NBPF11: variants seen among roughly 807,000 people sequenced by gnomAD.
NBPF11 encodes the protein NBPF family member NBPF11.
In NBPF11, 72 loss-of-function variants were observed where a neutral mutation model predicts 93.9. That is an observed-to-expected ratio of 0.77 (90% CI 0.63 to 0.93). The LOEUF is 0.93. NBPF11 is among the 40% of genes least tolerant of loss of function. NBPF11 has a pLI of 0.00. For missense variants in NBPF11, 705 were observed against 802.2 expected (o/e 0.88, Z 1.46); for synonymous variants, 224 against 304.9 (o/e 0.73, Z 2.76).
intron 21 of NBPF11, 107 bp from the exon 22 acceptor site, chr1:148,105,635 G>T (rs1663368977): frequency 1.5e-6 from 1 of 681,402 alleles, no homozygotes; most frequent in Non-Finnish European, 2.6e-6. Context: ...AAAGTAAAAG[G>T]ATAGATCTAT....
intron 2 of NBPF11, among the ~76,000 whole-genome samples, chr1:148,141,658 T>C (rs1343378313): frequency 2.0e-5 from 3 of 151,770 alleles, no homozygotes; most frequent in African/African-American, 7.3e-5. Flanking sequence ...GCAGATCAGT[T>C]AGGCAGAAGC....
rs1222363259 is a variant in NBPF11, at chr1:148,145,704, C to A, written c.-548-2018G>T. Among the ~76,000 whole-genome samples the A allele has an allele frequency of 3.8e-4, 57 of 151,460 alleles. No homozygotes were observed. In the East Asian group the frequency reaches 0.011, roughly 28 times the overall value. On this transcript the variant is annotated intron_variant, in intron 1 of 23. Transcript: ENST00000682118. ...TATCGGGCTATGCAACATGGCAAAACCCCATGTCTAGTAAAAATACAAAAA... is the reference window on the plus strand; with the variant it reads ...TATCGGGCTATGCAACATGGCAAAAACCCATGTCTAGTAAAAATACAAAAA...
At chr1:148,123,359 A>G (rs1418503536) in intron 7 of NBPF11, among the ~76,000 whole-genome samples, 2 of 152,252 alleles carry the variant, frequency 1.3e-5, no homozygotes, top group African/African-American at 4.8e-5. Flanking sequence ...GAGGGGCTTC[A>G]TCTCATTTTG....
Position 148,103,701 on chromosome 1 carries a change from C to G in NBPF11, c.*195G>C. ...GGGAATATGACTCCCATCTGGAAGA[C>G]CAGGTGGAGACTTCTCACCGTCAAA... On this transcript the variant is annotated 3_prime_UTR_variant, in exon 24 of 24. Transcript: ENST00000682118. 6.2e-7 allele frequency: 1 copy of G among 1,611,316 alleles called. No homozygotes were observed. The highest frequency in any genetic ancestry group is 8.5e-7 in the Non-Finnish European group (1 of 1,179,342).
chr1:148,147,045 T>G, intron 1 of NBPF11: 1 of 989,086 alleles, frequency 1.0e-6, no homozygotes, highest in Non-Finnish European at 1.5e-6. Flanking sequence ...CCACAGTGGA[T>G]GCACAGGGCC....
chr1:148,151,568 C>A (rs1206594601), intron 1 of NBPF11, among the ~76,000 whole-genome samples, 182 bp downstream of exon 1: 1 of 151,982 alleles, frequency 6.6e-6, no homozygotes, highest in Non-Finnish European at 1.5e-5. Flanking sequence ...CAGCGGCAGG[C>A]GAGGAATCAA....
At position 148,103,791 on chromosome 1, in the gene NBPF11, C is replaced by T. The variant is rs1190020490; in HGVS notation, c.*105G>A. The T allele has an allele frequency of 6.2e-7, 1 of 1,611,924 alleles. No homozygotes were observed. Among genetic ancestry groups the T allele is most frequent in the Non-Finnish European group, 8.5e-7 (1 of 1,179,466 alleles). On this transcript the variant is annotated 3_prime_UTR_variant, in exon 24 of 24. Coordinates refer to ENST00000682118, the MANE Select transcript of NBPF11 (RefSeq NM_001385469.3). ...TGCTGTTCCTCAAATGAGTAAAACA[C>T]ACTTCTGTAGTGCTGGAATGAGTCA...
chr1:148,132,331 T>C (rs1670535828), intron 4 of NBPF11, among the ~76,000 whole-genome samples: 1 of 136,830 alleles, frequency 7.3e-6, no homozygotes, highest in African/African-American at 2.9e-5. Flanking sequence ...GGATTCTCTC[T>C]TCTCTTCCAC....
In NBPF11 at chr1:148,103,798, G is replaced by T. The variant is rs1208843571; in HGVS notation, c.*98C>A. On this transcript the variant is annotated 3_prime_UTR_variant, in exon 24 of 24. Coordinates refer to ENST00000682118, the MANE Select transcript of NBPF11 (RefSeq NM_001385469.3). ...CCTCAAATGAGTAAAACACACTTCT[G>T]TAGTGCTGGAATGAGTCAGGTAGTT... 3.7e-6 allele frequency: 6 copies of T among 1,611,296 alleles called. No individual in the cohort carries two copies. In the East Asian group the frequency reaches 1.1e-4, roughly 30 times the overall value.
At chr1:148,126,079 C>A (rs1349860492) in intron 5 of NBPF11, among the ~76,000 whole-genome samples, 2 of 151,928 alleles carry the variant, frequency 1.3e-5, no homozygotes, top group Non-Finnish European at 2.9e-5. Flanking sequence ...TGACTCACTG[C>A]AACATCTGCC....
At chr1:148,119,681 AGTCTTGCCCT>A (rs1244710120) in intron 10 of NBPF11, among the ~76,000 whole-genome samples, 1 of 151,730 alleles carries the variant, frequency 6.6e-6, no homozygotes, top group African/African-American at 2.4e-5. Flanking sequence ...TTTTTTTAAC[AGTCTTGCCCT>A]GTCACCCAGG....
At chr1:148,147,283 T>C (rs2149309748) in intron 1 of NBPF11, among the ~76,000 whole-genome samples, 1 of 151,844 alleles carries the variant, frequency 6.6e-6, no homozygotes. Flanking sequence ...GCCCATCGGC[T>C]GAGGCAGCAC....
Position 148,103,754 on chromosome 1 carries a change from G to A in NBPF11, c.*142C>T, listed in dbSNP as rs1662832683. ...AAAAAACCTATTGTCCATGTCAAGGGCAAAGCTGATGTGCTGTTCCTCAAA... is the reference window on the plus strand; with the variant it reads ...AAAAAACCTATTGTCCATGTCAAGGACAAAGCTGATGTGCTGTTCCTCAAA... On this transcript the variant is annotated 3_prime_UTR_variant, in exon 24 of 24. Transcript: ENST00000682118. The A allele has an allele frequency of 1.9e-6, 3 of 1,611,800 alleles. No homozygotes were observed. The highest frequency in any genetic ancestry group is 1.7e-5 in the Admixed American group (1 of 60,018).
chr1:148,149,211 C>G lies in NBPF11; in HGVS notation c.-549+2539G>C, dbSNP rs1382092675. ...ATCCTGTACGGGCAGAGCATCGGCACGGTGCCCACCATGGACCTGGCCTCG... is the reference window on the plus strand; with the variant it reads ...ATCCTGTACGGGCAGAGCATCGGCAGGGTGCCCACCATGGACCTGGCCTCG... On this transcript the variant is annotated intron_variant, in intron 1 of 23. Coordinates refer to ENST00000682118, the MANE Select transcript of NBPF11 (RefSeq NM_001385469.3). 3.1e-5 allele frequency: 48 copies of G among 1,547,822 alleles called. 4 individuals are homozygous for G. The highest frequency in any genetic ancestry group is 2.3e-4 in the Middle Eastern group (1 of 4,318).
intron 20 of NBPF11, among the ~76,000 whole-genome samples, chr1:148,106,724 G>T (rs1663723941): frequency 6.7e-6 from 1 of 148,714 alleles, no homozygotes; most frequent in Non-Finnish European, 1.5e-5. Flanking sequence ...GGTTGCCATA[G>T]GCATGGCTGG....
At chr1:148,134,139 T>A (rs1177443590) in intron 4 of NBPF11, among the ~76,000 whole-genome samples, 7 of 151,702 alleles carry the variant, frequency 4.6e-5, no homozygotes, top group Non-Finnish European at 1.0e-4. Context: ...CACGCCGCTG[T>A]TCCCCTCACC....
chr1:148,113,162 A>T (rs1463213317), intron 15 of NBPF11, among the ~76,000 whole-genome samples: 1 of 152,032 alleles, frequency 6.6e-6, no homozygotes, highest in Admixed American at 6.5e-5. Flanking sequence ...CCAGTTAAAA[A>T]ACACAGAATG....
Position 148,103,878 on chromosome 1 carries a change from C to T in NBPF11, c.*18G>A. On this transcript the variant is annotated 3_prime_UTR_variant, in exon 24 of 24. Transcript: ENST00000682118. ...CTATCCAGTGAGTCCTGTAAGACTT[C>T]AGGCACTTCCACTTCCATCAGCACG... The T allele has an allele frequency of 6.2e-7, 1 of 1,611,150 alleles. No individual in the cohort carries two copies. Among genetic ancestry groups the T allele is most frequent in the South Asian group, 1.1e-5 (1 of 90,978 alleles).
chr1:148,151,465 G>A (rs1282961287), intron 1 of NBPF11, among the ~76,000 whole-genome samples: 2 of 152,130 alleles, frequency 1.3e-5, no homozygotes, highest in Admixed American at 6.5e-5. Context: ...ACGTGCCCCC[G>A]AAGCTGCTCC....
Sources: allele counts gnomAD v4.1 joint callset (sites outside exome capture counted in the v4.1 genomes callset), GRCh38; gene constraint gnomAD v4.1.1; transcripts MANE v1.5; gene names NCBI Gene and HGNC (gene_info 2026-07-23, HGNC 2026-07-21).